Variants in RNF185 observed in about 807,000 individuals in gnomAD.
RNF185 encodes the protein E3 ubiquitin-protein ligase RNF185.
Under a neutral mutation model 24.9 loss-of-function variants are expected in RNF185, and 13 were observed. The ratio of observed to expected loss-of-function variants is 0.52; its 90% CI spans 0.34 to 0.83. RNF185 has a LOEUF of 0.83. Ranked by LOEUF, RNF185 falls within the 40% of genes least tolerant of loss-of-function variation. The probability of loss-of-function intolerance (pLI) is 0.01; values close to 1 mark genes in which losing one functional copy is unlikely to be tolerated. For synonymous variants in RNF185, 79 were observed against 90.3 expected (o/e 0.88, Z 0.71); for missense variants, 184 against 244.7 (o/e 0.75, Z 1.65).
Position 31,201,609 on chromosome 22 carries a change from C to T in RNF185, c.475C>T (p.Pro159Ser). The change falls in exon 6 of 7, where the codon CCT (proline) becomes TCT (serine). Residue 159 changes from proline (P) to serine (S), a missense_variant. Pro to Ser is a moderately conservative substitution (Grantham distance 74). Transcript: ENST00000326132. ...ATTTAATATAAATGATGGGCGGCCT[C>T]CTCCAGGTAAGACCCTATTTCCTTG... ...TAFNINDGRP[P>S]PAVPGTPQYV... is the part of the protein sequence containing the mutation. 6.2e-7 allele frequency: 1 copy of T among 1,605,466 alleles called. No homozygotes were observed. The highest frequency in any genetic ancestry group is 1.1e-5 in the South Asian group (1 of 90,866).
chr22:31,174,372 A>G (rs988150390), intron 1 of RNF185, among the ~76,000 whole-genome samples: 3 of 87,108 alleles, frequency 3.4e-5, no homozygotes, highest in Non-Finnish European at 7.1e-5. Flanking sequence ...TTCACTCTTT[A>G]AAAAAAATTT....
intron 5 of RNF185, among the ~76,000 whole-genome samples, chr22:31,200,052 C>G (rs951831064): frequency 1.3e-5 from 2 of 152,088 alleles, no homozygotes; most frequent in Non-Finnish European, 1.5e-5. Flanking sequence ...TTGAAAGATG[C>G]GCACAGTAAT....
intron 5 of RNF185, 189 bp downstream of exon 5, chr22:31,197,179 G>T: frequency 1.4e-6 from 1 of 706,984 alleles, no homozygotes; most frequent in Non-Finnish European, 2.2e-6. Flanking sequence ...AAACATTTTG[G>T]TTCTATTTTC....
At chr22:31,163,129 G>C (rs1039527844) in intron 1 of RNF185, among the ~76,000 whole-genome samples, 2 of 151,922 alleles carry the variant, frequency 1.3e-5, no homozygotes, top group African/African-American at 4.8e-5. Context: ...GACAATTACA[G>C]GAAGATAAAA....
chr22:31,172,531 C>T (rs568263943), intron 1 of RNF185, among the ~76,000 whole-genome samples: 9 of 151,770 alleles, frequency 5.9e-5, no homozygotes, highest in African/African-American at 2.2e-4. Context: ...GGCGCATCAC[C>T]TGAGGTCAGG....
At chr22:31,192,772 G>T in intron 3 of RNF185, 70 bp downstream of exon 3, 1 of 1,457,014 alleles carries the variant, frequency 6.9e-7, no homozygotes, top group South Asian at 1.1e-5. Context: ...AGTCTCAGGA[G>T]ACTGCTTTCA....
intron 1 of RNF185, among the ~76,000 whole-genome samples, chr22:31,170,535 G>A (rs2047919028): frequency 6.6e-6 from 1 of 151,614 alleles, no homozygotes. Context: ...TATTGAGACA[G>A]AGTCTCACTC....
At chr22:31,179,299 G>C (rs2048012128) in intron 1 of RNF185, among the ~76,000 whole-genome samples, 1 of 152,166 alleles carries the variant, frequency 6.6e-6, no homozygotes, top group African/African-American at 2.4e-5. Context: ...TCCCAGTCCT[G>C]GTAGACCCAT....
intron 1 of RNF185, among the ~76,000 whole-genome samples, chr22:31,178,652 G>C (rs1367319077): frequency 6.6e-6 from 1 of 152,158 alleles, no homozygotes; most frequent in Non-Finnish European, 1.5e-5. Flanking sequence ...TGTGCCTTCA[G>C]CTCCTGTACT....
chr22:31,188,267 A>AT (rs1164547820), intron 2 of RNF185, among the ~76,000 whole-genome samples: 2 of 152,212 alleles, frequency 1.3e-5, no homozygotes, highest in Non-Finnish European at 2.9e-5. Context: ...TATTTAAGGG[A>AT]TTTTAAGTTG....
At chr22:31,172,027 A>G (rs2047935654) in intron 1 of RNF185, among the ~76,000 whole-genome samples, 1 of 152,224 alleles carries the variant, frequency 6.6e-6, no homozygotes, top group Non-Finnish European at 1.5e-5. Flanking sequence ...GGGTATTAAA[A>G]TTTAAAAAGT....
chr22:31,186,935 C>G, intron 1 of RNF185, 112 bp from the exon 2 acceptor site: 1 of 784,668 alleles, frequency 1.3e-6, no homozygotes, highest in Non-Finnish European at 2.1e-6. Flanking sequence ...GAAGTCTGCT[C>G]AGGGATTCAG....
intron 5 of RNF185, among the ~76,000 whole-genome samples, chr22:31,200,348 C>T (rs545182848): frequency 6.6e-6 from 1 of 152,076 alleles, no homozygotes; most frequent in Non-Finnish European, 1.5e-5. Context: ...CAGAGCGAGA[C>T]CCTGTCTCAA....
chr22:31,184,092 G>A (rs12168077), intron 1 of RNF185, among the ~76,000 whole-genome samples: 10 of 150,780 alleles, frequency 6.6e-5, no homozygotes, highest in Admixed American at 4.0e-4. Flanking sequence ...GCGGCTGGCC[G>A]GGCGGGGGCT....
Position 31,201,628 on chromosome 22 carries a change from T to G in RNF185, c.481+13T>G. 1.3e-6 allele frequency: 2 copies of G among 1,564,424 alleles called. No individual in the cohort carries two copies. The highest frequency in any genetic ancestry group is 8.8e-7 in the Non-Finnish European group (1 of 1,135,376). On this transcript the variant is annotated intron_variant, in intron 6 of 6. Transcript: ENST00000326132. ...CGGCCTCCTCCAGGTAAGACCCTAT[T>G]TCCTTGAGAAATTAGGAAGATATCT... is the stretch of plus-strand genomic sequence containing the variant.
intron 5 of RNF185, among the ~76,000 whole-genome samples, chr22:31,200,675 A>G (rs1183567733): frequency 1.3e-5 from 2 of 152,230 alleles, no homozygotes; most frequent in African/African-American, 4.8e-5. Flanking sequence ...TGATATACCA[A>G]ACTGCTGATA....
chr22:31,164,022 C>T (rs1308363163), intron 1 of RNF185, among the ~76,000 whole-genome samples: 1 of 150,092 alleles, frequency 6.7e-6, no homozygotes, highest in Non-Finnish European at 1.5e-5. Flanking sequence ...ACTCTTGTTG[C>T]CCAGGCTGGA....
intron 5 of RNF185, 191 bp downstream of exon 5, chr22:31,197,181 T>C (rs1271974372): frequency 2.9e-6 from 2 of 685,814 alleles, no homozygotes; most frequent in South Asian, 2.2e-5. Flanking sequence ...ACATTTTGGT[T>C]CTATTTTCTT....
chr22:31,183,541 A>G (rs2048060768), intron 1 of RNF185, among the ~76,000 whole-genome samples: 2 of 152,214 alleles, frequency 1.3e-5, no homozygotes, highest in African/African-American at 4.8e-5. Flanking sequence ...CGCCTTCCGC[A>G]GTGTTTGTGT....
Sources: gnomAD v4.1 joint callset for allele counts (sites outside exome capture counted in the v4.1 genomes callset) on GRCh38, gnomAD v4.1.1 for gene constraint, MANE v1.5 for transcripts, NCBI Gene and HGNC (gene_info 2026-07-23, HGNC 2026-07-21) for gene names.